VWA2: variants seen among roughly 807,000 people sequenced by gnomAD.
VWA2 encodes the protein von Willebrand factor A domain-containing protein 2.
In VWA2, 73 loss-of-function variants were observed where a neutral mutation model predicts 70.4. The observed-to-expected ratio is 1.04, with a 90% CI of 0.86 to 1.26. The LOEUF (loss-of-function observed/expected upper bound fraction) is 1.26. Among genes scored for constraint, VWA2 ranks in the 50% most tolerant of loss-of-function variants. The pLI is 0.00. For missense variants in VWA2, 1,011 were observed against 998.5 expected (o/e 1.01, Z -0.17); for synonymous variants, 407 against 423.3 (o/e 0.96, Z 0.47).
At position 114,267,023 on chromosome 10, in the gene VWA2, C is replaced by G. The variant is rs934701259; in HGVS notation, c.372-5717C>G. 3.3e-5 allele frequency among the ~76,000 whole-genome samples: 5 copies of G among 152,070 alleles called. 1 individual carries two copies. The South Asian group carries it at 1.0e-3, about 32-fold the overall frequency. Reference sequence around the variant, plus strand: ...GTATCACAATATATTTAATTATTCTCCTAAAAGGTAACATTTGATTCCAGA... The same window carrying G: ...GTATCACAATATATTTAATTATTCTGCTAAAAGGTAACATTTGATTCCAGA... On this transcript the variant is annotated intron_variant, in intron 5 of 13. Transcript: ENST00000392982.
intron 1 of VWA2, among the ~76,000 whole-genome samples, chr10:114,248,238 A>G (rs959045635): frequency 6.6e-6 from 1 of 152,182 alleles, no homozygotes; most frequent in Non-Finnish European, 1.5e-5. Flanking sequence ...AAGGTTTGTT[A>G]ACCACATTAG....
At chr10:114,243,246 G>T (rs761950080) in intron 1 of VWA2, among the ~76,000 whole-genome samples, 1 of 152,236 alleles carries the variant, frequency 6.6e-6, no homozygotes, top group Non-Finnish European at 1.5e-5. Context: ...CCTCCAGGGA[G>T]TTCACAAATG....
chr10:114,239,800 C>T (rs547769365), intron 1 of VWA2, among the ~76,000 whole-genome samples: 30 of 152,300 alleles, frequency 2.0e-4, no homozygotes, highest in African/African-American at 7.2e-4. Context: ...ACCTGGCGCG[C>T]GCCTCCCTCG....
rs755811015 is a variant in VWA2 at position 114,281,933 on chromosome 10, CTT to C, written c.834-582_834-581del. Among the ~76,000 whole-genome samples the C allele has an allele frequency of 8.6e-5, 13 of 151,982 alleles. No individual in the cohort carries two copies. In the East Asian group the frequency reaches 1.4e-3, roughly 16 times the overall value. ...CTGCATCGTAAGCCTCAGAAAGTAA[CTT>C]ATAATAAAAAGCTGTTGCTACAGTT... On this transcript the variant is annotated intron_variant, in intron 8 of 13. Coordinates refer to ENST00000392982, the MANE Select transcript of VWA2 (RefSeq NM_001272046.2).
chr10:114,242,515 C>CTGTGTATCAGT (rs2036991153), intron 1 of VWA2, among the ~76,000 whole-genome samples: 1 of 151,826 alleles, frequency 6.6e-6, no homozygotes, highest in South Asian at 2.1e-4. Flanking sequence ...ACCAGTAAAT[C>CTGTGTATCAGT]TGTGTATCAG....
In VWA2 at chr10:114,272,711, CT is replaced by C. The variant is rs780821544; in HGVS notation, c.372-26del. The stretch of plus-strand genomic sequence containing the variant: ...TCACCTCCCCACATCATTCACTTTT[CT>C]TTCTTTTTTCCTTCTGGGTGTGCAC... On this transcript the variant is annotated intron_variant, in intron 5 of 13. Coordinates refer to ENST00000392982, the MANE Select transcript of VWA2 (RefSeq NM_001272046.2). 13 of 1,535,738 alleles carry C rather than the reference CT, an allele frequency of 8.5e-6. No individual in the cohort carries two copies. In the Admixed American group the frequency reaches 2.5e-4, roughly 29 times the overall value.
Position 114,246,505 on chromosome 10 carries a change from C to CAAAAA in VWA2, c.-10-2183_-10-2179dup, listed in dbSNP as rs570510812. The CAAAAA allele has an allele frequency of 1.4e-3, 547 of 384,558 alleles. 6 individuals are homozygous for CAAAAA. The highest frequency in any genetic ancestry group is 0.011 in the African/African-American group (241 of 21,590). The allele number at this position is 384,558 out of a possible 1,614,324, so 23.8% of individuals were successfully genotyped here. The stretch of plus-strand genomic sequence containing the variant: ...AACAAGAGTGAAAGAAACTCCATCT[C>CAAAAA]AAAAAAAAAAAAAAAAAAAACGAGT... On this transcript the variant is annotated intron_variant, in intron 1 of 13. Transcript: ENST00000392982.
At position 114,291,412 on chromosome 10, in the gene VWA2, C is replaced by T. The variant is rs2039588668; in HGVS notation, c.*175C>T. The T allele has an allele frequency of 1.5e-6, 1 of 687,482 alleles. No individual in the cohort carries two copies. The highest frequency in any genetic ancestry group is 1.8e-5 in the African/African-American group (1 of 54,202). 42.6% of individuals were successfully genotyped at this position (687,482 alleles called of 1,614,324 possible). On this transcript the variant is annotated 3_prime_UTR_variant, in exon 14 of 14. Coordinates refer to ENST00000392982, the MANE Select transcript of VWA2 (RefSeq NM_001272046.2). ...TTCTCACTGAGGGAGGAGGATGTCC[C>T]AACTGCAGCCATGCTGCTTAGAGAC...
chr10:114,275,137 A>G (rs2037802859), intron 6 of VWA2, among the ~76,000 whole-genome samples: 1 of 152,056 alleles, frequency 6.6e-6, no homozygotes, highest in Non-Finnish European at 1.5e-5. Flanking sequence ...GGACAGGGAG[A>G]GAAGATGACC....
intron 12 of VWA2, chr10:114,289,831 G>A (rs2039379036): frequency 2.7e-6 from 1 of 376,178 alleles, no homozygotes; most frequent in Non-Finnish European, 5.0e-6. Context: ...CAGTGACAGA[G>A]CCCAGAGCAA....
chr10:114,265,465 C>T (rs2037541076), intron 5 of VWA2, among the ~76,000 whole-genome samples: 1 of 152,182 alleles, frequency 6.6e-6, no homozygotes, highest in Non-Finnish European at 1.5e-5. Flanking sequence ...TAGAGATCAT[C>T]TGGTATGTTT....
chr10:114,268,817 C>T (rs909694035), intron 5 of VWA2, among the ~76,000 whole-genome samples: 2 of 152,038 alleles, frequency 1.3e-5, no homozygotes, highest in African/African-American at 4.8e-5. Context: ...GCCTCAGCCT[C>T]CCGAGTAGCT....
intron 6 of VWA2, among the ~76,000 whole-genome samples, chr10:114,275,225 A>T (rs2037807808): frequency 6.6e-6 from 1 of 152,202 alleles, no homozygotes; most frequent in Admixed American, 6.5e-5. Context: ...TAAGGTGGGG[A>T]CATCCAGGAT....
chr10:114,278,797 G>A lies in VWA2; in HGVS notation c.779G>A (p.Trp260Ter), dbSNP rs2037913636. ...VREFAGNAPC[W>*]RGSRRTLAVL... ...GAGTTCGCTGGCAATGCCCCATGCT[G>A]GAGAGGATCGCGGCGGACCCTTGCG... The change falls in exon 8 of 14, where the codon TGG (tryptophan) becomes TAG (stop). Residue 260 changes from tryptophan (W) to a stop codon, truncating the protein, a stop_gained. Transcript: ENST00000392982. LOFTEE classifies it high-confidence loss of function. The A allele has an allele frequency of 6.2e-7, 1 of 1,613,768 alleles. No individual in the cohort carries two copies. Among genetic ancestry groups the A allele is most frequent in the Non-Finnish European group, 8.5e-7 (1 of 1,180,038 alleles).
intron 6 of VWA2, among the ~76,000 whole-genome samples, chr10:114,275,151 G>A (rs540536029): frequency 2.8e-4 from 43 of 152,208 alleles, no homozygotes; most frequent in African/African-American, 7.0e-4. Context: ...GATGACCAAC[G>A]GGCCAGCAAG....
At chr10:114,271,011 C>A (rs1370719050) in intron 5 of VWA2, among the ~76,000 whole-genome samples, 5 of 152,186 alleles carry the variant, frequency 3.3e-5, no homozygotes, top group Non-Finnish European at 7.3e-5. Flanking sequence ...CCTCTGAAGC[C>A]TGCTCCCTGA....
intron 8 of VWA2, among the ~76,000 whole-genome samples, chr10:114,279,941 G>A (rs925910855): frequency 2.0e-5 from 3 of 152,214 alleles, no homozygotes; most frequent in Admixed American, 6.5e-5. Context: ...TGGGCAAGGC[G>A]CTCAGAGCCG....
At chr10:114,264,782 C>A (rs548881056) in intron 5 of VWA2, among the ~76,000 whole-genome samples, 1 of 151,918 alleles carries the variant, frequency 6.6e-6, no homozygotes, top group Non-Finnish European at 1.5e-5. Context: ...TGCAATGGCA[C>A]GATCTTGGCT....
rs2037291081 is a variant in VWA2 at position 114,254,979 on chromosome 10, AG to A, written c.195del (p.Ser66AlafsTer49). ...LLDGSNSVGKGSFERSKHFAI... is the reference protein window; with the variant it reads ...LLDGSNSVGKXSFERSKHFAI... ...TAGATGGGTCTAACAGCGTCGGGAA[AG>A]GGAGCTTTGAAAGGTCCAAGCACTT... On this transcript the variant is annotated frameshift_variant, in exon 4 of 14. Coordinates refer to ENST00000392982, the MANE Select transcript of VWA2 (RefSeq NM_001272046.2). LOFTEE classifies it high-confidence loss of function. 1 of 1,613,344 alleles carries A rather than the reference AG, an allele frequency of 6.2e-7. No individual in the cohort carries two copies. Among genetic ancestry groups the A allele is most frequent in the Non-Finnish European group, 8.5e-7 (1 of 1,179,952 alleles).
Sources: allele counts gnomAD v4.1 joint callset (sites outside exome capture counted in the v4.1 genomes callset), GRCh38; gene constraint gnomAD v4.1.1; transcripts MANE v1.5; gene names NCBI Gene and HGNC (gene_info 2026-07-23, HGNC 2026-07-21).